The following RSRC1 variants were observed in gnomAD, a reference collection of about 807,000 sequenced individuals.
RSRC1 encodes the protein arginine and serine rich coiled-coil 1.
RSRC1 carries 39 observed loss-of-function variants against 49.1 expected under a neutral mutation model. The observed-to-expected ratio is 0.79, with a 90% CI of 0.61 to 1.04. The LOEUF is 1.04. Among genes scored for constraint, RSRC1 ranks in the 50% least tolerant of loss-of-function variants. RSRC1 has a pLI of 0.00. For missense variants in RSRC1, 388 were observed against 402.4 expected, an observed-to-expected ratio of 0.96 and a Z score of 0.31; for synonymous variants, 143 against 130.8, an observed-to-expected ratio of 1.09 and a Z score of -0.63.
intron 6 of RSRC1, among the ~76,000 whole-genome samples, chr3:158,374,026 T>TCTGCCTCCTGAGTAGCTGGGA (rs1378685187): frequency 6.6e-6 from 1 of 152,100 alleles, no homozygotes; most frequent in East Asian, 1.9e-4. Context: ...TCCCTAATAC[T>TCTGCCTCCTGAGTAGCTGGGA]TTATGTTTAC....
chr3:158,258,517 T>C (rs963593048), intron 4 of RSRC1, among the ~76,000 whole-genome samples: 1 of 152,064 alleles, frequency 6.6e-6, no homozygotes, highest in Non-Finnish European at 1.5e-5. Flanking sequence ...TTAAATGTCT[T>C]GAGGTAGTCT....
chr3:158,497,014 A>G (rs1739358807), intron 7 of RSRC1: 1 of 152,212 alleles, frequency 6.6e-6, no homozygotes, highest in South Asian at 2.1e-4. Flanking sequence ...AATAGAATAT[A>G]TACTATGAAA....
intron 4 of RSRC1, among the ~76,000 whole-genome samples, chr3:158,254,722 G>A (rs531254662): frequency 4.3e-4 from 66 of 152,094 alleles, no homozygotes; most frequent in African/African-American, 1.5e-3. Flanking sequence ...GTGAGTGACC[G>A]CACCTGGCCG....
intron 6 of RSRC1, among the ~76,000 whole-genome samples, chr3:158,395,595 G>A (rs1733569992): frequency 6.6e-6 from 1 of 152,016 alleles, no homozygotes; most frequent in Non-Finnish European, 1.5e-5. Context: ...TTCACTGGTT[G>A]CTAGAGATAT....
At chr3:158,419,975 C>T (rs555430711) in intron 6 of RSRC1, among the ~76,000 whole-genome samples, 49 of 151,920 alleles carry the variant, frequency 3.2e-4, no homozygotes, top group African/African-American at 1.2e-3. Context: ...CATTCTCTTC[C>T]TCTGCCTCCC....
In RSRC1 at chr3:158,443,623, T is replaced by C. The variant is rs575950847; in HGVS notation, c.584-17312T>C. On this transcript the variant is annotated intron_variant, in intron 6 of 9. Transcript: ENST00000611884. Reference sequence around the variant, plus strand: ...ACTCAAACTTTGTCCCTATCAGCAATAAGGATGTTTCACTTTCTTACCATT... The same window carrying C: ...ACTCAAACTTTGTCCCTATCAGCAACAAGGATGTTTCACTTTCTTACCATT... Among the ~76,000 whole-genome samples, 7 of 152,298 alleles carry C rather than the reference T, an allele frequency of 4.6e-5. 1 individual carries two copies. The South Asian group carries it at 1.5e-3, about 32-fold the overall frequency.
chr3:158,483,674 G>A (rs1285285026), intron 7 of RSRC1, among the ~76,000 whole-genome samples: 1 of 151,954 alleles, frequency 6.6e-6, no homozygotes. Flanking sequence ...ATAGAGCAAG[G>A]AAATAAATGT....
Position 158,362,482 on chromosome 3 carries a change from G to A in RSRC1, c.583+7574G>A, listed in dbSNP as rs529357335. Among the ~76,000 whole-genome samples, 5 of 152,318 alleles carry A rather than the reference G, an allele frequency of 3.3e-5. No individual in the cohort carries two copies. In the East Asian group the frequency reaches 9.6e-4, roughly 29 times the overall value. On this transcript the variant is annotated intron_variant, in intron 6 of 9. Transcript: ENST00000611884. ...TTGTAGAGAAACAGAGGATCTAGCT[G>A]TCTGAAAAACATTTAGATGCTGATG...
chr3:158,160,135 A>G (rs1718133456), intron 3 of RSRC1, among the ~76,000 whole-genome samples: 1 of 152,130 alleles, frequency 6.6e-6, no homozygotes, highest in Non-Finnish European at 1.5e-5. Context: ...TGAATATGAG[A>G]GAGATCCTGC....
chr3:158,357,395 C>T (rs1731215709), intron 6 of RSRC1, among the ~76,000 whole-genome samples: 2 of 152,130 alleles, frequency 1.3e-5, no homozygotes, highest in East Asian at 1.9e-4. Flanking sequence ...TGCTACTTTT[C>T]ATTGCCACTG....
intron 7 of RSRC1, among the ~76,000 whole-genome samples, chr3:158,498,608 A>G (rs1299153730): frequency 6.6e-6 from 1 of 151,920 alleles, no homozygotes; most frequent in African/African-American, 2.4e-5. Context: ...TTTTTATTGC[A>G]TTTGCTTTTG....
chr3:158,478,018 CA>C (rs1368260695), intron 7 of RSRC1, among the ~76,000 whole-genome samples: 5 of 150,930 alleles, frequency 3.3e-5, no homozygotes, highest in Non-Finnish European at 7.4e-5. Flanking sequence ...ATGATCTCAG[CA>C]CTGTACTTCA....
chr3:158,424,245 T>C (rs1295216243), intron 6 of RSRC1, among the ~76,000 whole-genome samples: 1 of 152,028 alleles, frequency 6.6e-6, no homozygotes. Context: ...TATTTTGAGA[T>C]ACGTCCCATC....
intron 6 of RSRC1, among the ~76,000 whole-genome samples, chr3:158,445,088 C>T (rs1467652284): frequency 1.3e-5 from 2 of 152,192 alleles, no homozygotes; most frequent in African/African-American, 4.8e-5. Flanking sequence ...TTGTGAAAGA[C>T]AGTGTGGCGA....
chr3:158,331,083 C>T (rs1559996784), intron 5 of RSRC1, among the ~76,000 whole-genome samples: 1 of 152,150 alleles, frequency 6.6e-6, no homozygotes, highest in Non-Finnish European at 1.5e-5. Context: ...ACAAGCCCTG[C>T]TCCCATGATT....
chr3:158,400,784 A>G lies in RSRC1; in HGVS notation c.583+45876A>G, dbSNP rs936038777. ...AAGTTAAAAGTTTATAAAGTAAAAA[A>G]GTTACAGTAGATAGATTGCCTAAGT... is the stretch of plus-strand genomic sequence containing the variant. On this transcript the variant is annotated intron_variant, in intron 6 of 9. Coordinates refer to ENST00000611884, the MANE Select transcript of RSRC1 (RefSeq NM_001271838.2). 3.9e-5 allele frequency among the ~76,000 whole-genome samples: 6 copies of G among 152,184 alleles called. No homozygotes were observed. In the South Asian group the frequency reaches 1.0e-3, roughly 26 times the overall value.
rs989178414 is a variant in RSRC1 at position 158,369,474 on chromosome 3, A to G, written c.583+14566A>G. ...GTTCATGACAGATGTGGCTGAAAAG[A>G]CCACATACGTAGACTGTATGATTTT... On this transcript the variant is annotated intron_variant, in intron 6 of 9. Transcript: ENST00000611884. Among the ~76,000 whole-genome samples, 4 of 152,082 alleles carry G rather than the reference A, an allele frequency of 2.6e-5. No homozygotes were observed. The South Asian group carries it at 6.2e-4, about 24-fold the overall frequency.
chr3:158,213,843 C>T (rs1033121473), intron 4 of RSRC1, among the ~76,000 whole-genome samples: 7 of 151,816 alleles, frequency 4.6e-5, no homozygotes, highest in African/African-American at 1.7e-4. Flanking sequence ...AAATTCATAA[C>T]TACTTAGAAA....
intron 6 of RSRC1, among the ~76,000 whole-genome samples, chr3:158,446,219 A>T (rs1303081075): frequency 3.9e-5 from 6 of 152,090 alleles, no homozygotes; most frequent in African/African-American, 1.4e-4. Context: ...GCCTAATAAA[A>T]TAACTAAGAT....
Sources: gnomAD v4.1 joint callset for allele counts (sites outside exome capture counted in the v4.1 genomes callset) on GRCh38, gnomAD v4.1.1 for gene constraint, MANE v1.5 for transcripts, NCBI Gene and HGNC (gene_info 2026-07-23, HGNC 2026-07-21) for gene names.